The following FST variants were observed in gnomAD, a reference collection of about 807,000 sequenced individuals.
FST encodes the protein follistatin.
FST carries 6 observed loss-of-function variants against 38.4 expected under a neutral mutation model. That is an observed-to-expected ratio of 0.16 (90% confidence interval 0.09 to 0.31). The LOEUF is 0.31. Ranked by LOEUF, FST falls within the 10% of genes least tolerant of loss-of-function variation. FST has a pLI of 1.00. For synonymous variants in FST, 157 were observed against 169.8 expected (o/e 0.92, Z 0.59); for missense variants, 301 against 432.3 (o/e 0.70, Z 2.69).
intron 1 of FST, among the ~76,000 whole-genome samples, chr5:53,481,224 A>G (rs1747181641): frequency 6.6e-6 from 1 of 150,854 alleles, no homozygotes; most frequent in African/African-American, 2.4e-5. Flanking sequence ...ATTTCAGTCG[A>G]CCCATTTGCA....
chr5:53,480,784 C>T lies in FST; in HGVS notation c.-8C>T. On this transcript the variant is annotated 5_prime_UTR_variant, in exon 1 of 6. Coordinates refer to ENST00000256759, the MANE Select transcript of FST (RefSeq NM_013409.3). ...CGCTGCGCTCCTCGCCCCGCGCCTGCCCCCAGGATGGTCCGCGCGAGGCAC... is the reference window on the plus strand; with the variant it reads ...CGCTGCGCTCCTCGCCCCGCGCCTGTCCCCAGGATGGTCCGCGCGAGGCAC... 7.0e-7 allele frequency: 1 copy of T among 1,421,336 alleles called. No homozygotes were observed. Among genetic ancestry groups the T allele is most frequent in the East Asian group, 3.1e-5 (1 of 32,206 alleles). The allele number at this position is 1,421,336 out of a possible 1,614,324, so 88.0% of individuals were successfully genotyped here.
chr5:53,484,559 A>C (rs1747434348), intron 4 of FST, among the ~76,000 whole-genome samples: 1 of 152,192 alleles, frequency 6.6e-6, no homozygotes, highest in African/African-American at 2.4e-5. Context: ...AATTTTACAC[A>C]TTTTTTTAAG....
At chr5:53,484,945 A>G in intron 4 of FST, 52 bp from the exon 5 acceptor site, 1 of 872,900 alleles carries the variant, frequency 1.1e-6, no homozygotes, top group South Asian at 1.3e-5. Context: ...AAAGGGAGAA[A>G]AGGGGGATAT....
intron 3 of FST, 38 bp from the exon 4 acceptor site, chr5:53,484,031 A>G: frequency 1.9e-6 from 3 of 1,578,406 alleles, no homozygotes; most frequent in Non-Finnish European, 2.6e-6. Flanking sequence ...TAAGGACTAG[A>G]AGGTACCTAT....
At chr5:53,485,546 GT>G (rs5867881) in intron 5 of FST, 69,619 of 586,330 alleles carry the variant, frequency 0.12, 9 homozygotes, top group South Asian at 0.18. Context: ...TGCTTCAAAA[GT>G]TTTTTTTTTT....
At chr5:53,481,462 C>CAAAAAGAAAAAAAAAA (rs1747202625) in intron 1 of FST, among the ~76,000 whole-genome samples, 1 of 48,082 alleles carries the variant, frequency 2.1e-5, no homozygotes. Context: ...CCCATTCTCG[C>CAAAAAGAAAAAAAAAA]AAAAAAAAAA....
chr5:53,483,568 C>T lies in FST; in HGVS notation c.342C>T (p.Pro114=). 2.5e-6 allele frequency: 4 copies of T among 1,614,186 alleles called. No individual in the cohort carries two copies. Among genetic ancestry groups the T allele is most frequent in the Non-Finnish European group, 3.4e-6 (4 of 1,180,010 alleles). The change falls in exon 3 of 6, where the codon CCC becomes CCT. Residue 114 remains proline (P), a synonymous_variant. Transcript: ENST00000256759. This position sits in a 1 kb window ranked among gnomAD's most constrained non-coding sequence, Gnocchi z 4.1. ...KKCRMNKKNK[P]RCVCAPDCSN... The stretch of plus-strand genomic sequence containing the variant: ...GCCGAATGAACAAGAAGAACAAACC[C>T]CGCTGCGTCTGCGCCCCGGATTGTT...
chr5:53,485,059 G>T lies in FST; in HGVS notation c.784G>T (p.Val262Phe), dbSNP rs990981948. Reference sequence around the variant, plus strand: ...GAAAAAATGTTTATGGGATTTCAAGGTTGGGAGAGGCCGGTGTTCCCTCTG... The same window carrying T: ...GAAAAAATGTTTATGGGATTTCAAGTTTGGGAGAGGCCGGTGTTCCCTCTG... The part of the protein sequence containing the change: ...GGKKCLWDFK[V>F]GRGRCSLCDE... The change falls in exon 5 of 6, where the codon GTT (valine) becomes TTT (phenylalanine). Residue 262 changes from valine to phenylalanine, a missense_variant. Coordinates refer to ENST00000256759, the MANE Select transcript of FST (RefSeq NM_013409.3). 1.2e-6 allele frequency: 2 copies of T among 1,612,690 alleles called. No individual in the cohort carries two copies. Among genetic ancestry groups the T allele is most frequent in the African/African-American group, 1.3e-5 (1 of 74,840 alleles).
chr5:53,484,102 C>G lies in FST; in HGVS notation c.530C>G (p.Ser177Cys), dbSNP rs762062266. 6.2e-7 allele frequency: 1 copy of G among 1,612,454 alleles called. No homozygotes were observed. The highest frequency in any genetic ancestry group is 1.3e-5 in the African/African-American group (1 of 74,884). The part of the protein sequence containing the change: ...TCRDVFCPGS[S>C]TCVVDQTNNA... The stretch of plus-strand genomic sequence containing the variant: ...CGGGATGTTTTCTGTCCAGGCAGCT[C>G]CACATGTGTGGTGGACCAGACCAAT... The change falls in exon 4 of 6, where the codon TCC (serine) becomes TGC (cysteine). Residue 177 changes from serine (S) to cysteine (C), a missense_variant. Physicochemically the swap from Ser to Cys is moderately radical, Grantham distance 112. Coordinates refer to ENST00000256759, the MANE Select transcript of FST (RefSeq NM_013409.3).
rs1316433507 is a variant in FST, at chr5:53,486,622, AC to A, written c.*590del. 4 of 152,254 alleles carry A rather than the reference AC, an allele frequency of 2.6e-5. No homozygotes were observed. The highest frequency in any genetic ancestry group is 2.6e-4 in the Admixed American group (4 of 15,280). The allele number at this position is 152,254 out of a possible 1,614,324, so 9.4% of individuals were successfully genotyped here. The stretch of plus-strand genomic sequence containing the variant: ...CGGGTTTTGTTTACAAGGAACCTTG[AC>A]TGACCAAAAGGCATTATAACTCTGA... On this transcript the variant is annotated 3_prime_UTR_variant, in exon 6 of 6. Coordinates refer to ENST00000256759, the MANE Select transcript of FST (RefSeq NM_013409.3).
chr5:53,485,668 G>A lies in FST; in HGVS notation c.953-283G>A, dbSNP rs577055426. On this transcript the variant is annotated intron_variant, in intron 5 of 5. Transcript: ENST00000256759. The stretch of plus-strand genomic sequence containing the variant: ...GCAGTTATACCTAGAACACAAGAGC[G>A]CTTTTTATCTAATTTCAGGAATCTG... 4.7e-4 allele frequency: 709 copies of A among 1,522,902 alleles called. 11 individuals carry two copies. In the South Asian group the frequency reaches 7.4e-3, roughly 16 times the overall value. The allele number at this position is 1,522,902 out of a possible 1,614,324, so 94.3% of individuals were successfully genotyped here.
chr5:53,482,341 CCT>C (rs1033631368), intron 1 of FST, among the ~76,000 whole-genome samples: 4 of 146,940 alleles, frequency 2.7e-5, no homozygotes, highest in Non-Finnish European at 4.5e-5. Flanking sequence ...TTTCCTTCTC[CCT>C]CTCTCTCCCC....
chr5:53,483,792 C>G lies in FST; in HGVS notation c.496+70C>G. On this transcript the variant is annotated intron_variant, in intron 3 of 5. Transcript: ENST00000256759. The surrounding 1 kb of genome is among the most constrained non-coding windows in gnomAD (Gnocchi z 4.1). ...CAGCTTTGTACCTAAAGTAGACCCT[C>G]TAGAAGACCCTTGGGGGATGGTGTA... 8.8e-7 allele frequency: 1 copy of G among 1,136,374 alleles called. No homozygotes were observed. Among genetic ancestry groups the G allele is most frequent in the Non-Finnish European group, 1.3e-6 (1 of 763,424 alleles). The allele number at this position is 1,136,374 out of a possible 1,614,324, so 70.4% of individuals were successfully genotyped here.
rs1233682008 is a variant in FST at position 53,484,106 on chromosome 5, A to G, written c.534A>G (p.Thr178=). Residue 178 remains threonine (T), a synonymous_variant, in exon 4 of 6, where the codon ACA becomes ACG. Transcript: ENST00000256759. The part of the protein sequence containing the change: ...CRDVFCPGSS[T]CVVDQTNNAY... Reference sequence around the variant, plus strand: ...ATGTTTTCTGTCCAGGCAGCTCCACATGTGTGGTGGACCAGACCAATAATG... The same window carrying G: ...ATGTTTTCTGTCCAGGCAGCTCCACGTGTGTGGTGGACCAGACCAATAATG... The G allele has an allele frequency of 2.5e-6, 4 of 1,611,668 alleles. No homozygotes were observed. In the East Asian group the frequency reaches 6.7e-5, roughly 27 times the overall value.
chr5:53,481,736 A>G (rs1747226114), intron 1 of FST, among the ~76,000 whole-genome samples: 1 of 152,224 alleles, frequency 6.6e-6, no homozygotes, highest in Non-Finnish European at 1.5e-5. Context: ...TTAAAGTCAT[A>G]TTGGTGATTC....
rs181213082 is a variant in FST at position 53,480,885 on chromosome 5, G to C, written c.85+9G>C. 807 of 1,485,588 alleles carry C rather than the reference G, an allele frequency of 5.4e-4. 5 individuals are homozygous for C. The African/African-American group carries it at 1.0e-2, about 18-fold the overall frequency. 92.0% of individuals were successfully genotyped at this position (1,485,588 alleles called of 1,614,324 possible). A position where few individuals can be genotyped will look rare whatever the true frequency, so the allele number is the denominator to read the frequency against. The stretch of plus-strand genomic sequence containing the variant: ...GGACCGCAGTGCCCAGGGTAAGCGA[G>C]TGGGGATGCGCTGGGGAGGCTTGGC... On this transcript the variant is annotated intron_variant, in intron 1 of 5. Transcript: ENST00000256759.
intron 5 of FST, 42 bp downstream of exon 5, chr5:53,485,269 C>CT: frequency 9.4e-7 from 1 of 1,060,012 alleles, no homozygotes; most frequent in Non-Finnish European, 1.5e-6. Flanking sequence ...AAGGCTTTCC[C>CT]AGGCAATCCC....
chr5:53,484,340 C>A, intron 4 of FST, 47 bp downstream of exon 4: 1 of 1,579,294 alleles, frequency 6.3e-7, no homozygotes, highest in Non-Finnish European at 8.6e-7. Context: ...CAGGCTAGTT[C>A]TATTATTAAA....
chr5:53,484,092 C>G lies in FST; in HGVS notation c.520C>G (p.Pro174Ala), dbSNP rs763942590. The change falls in exon 4 of 6, where the codon CCA becomes GCA. Residue 174 changes from proline to alanine, a missense_variant. Physicochemically the swap from Pro to Ala is conservative, Grantham distance 27 (BLOSUM62 -1). Coordinates refer to ENST00000256759, the MANE Select transcript of FST (RefSeq NM_013409.3). ...AGAGACTTGTCGGGATGTTTTCTGT[C>G]CAGGCAGCTCCACATGTGTGGTGGA... ...CKKTCRDVFC[P>A]GSSTCVVDQT... The G allele has an allele frequency of 1.2e-5, 20 of 1,612,602 alleles. No homozygotes were observed. Among genetic ancestry groups the G allele is most frequent in the Non-Finnish European group, 1.6e-5 (19 of 1,178,632 alleles).
Sources: gnomAD v4.1 joint callset for allele counts (sites outside exome capture counted in the v4.1 genomes callset) on GRCh38, gnomAD v4.1.1 for gene constraint, Gnocchi (gnomAD v3.1) non-coding constraint, MANE v1.5 for transcripts, NCBI Gene and HGNC (gene_info 2026-07-23, HGNC 2026-07-21) for gene names.